The following SOX5 variants were observed in gnomAD, a reference collection of about 807,000 sequenced individuals.
The protein encoded by SOX5 is SRY-box transcription factor 5, also known as transcription factor SOX-5.
A neutral mutation model predicts 92.0 loss-of-function variants in SOX5; 9 were observed. The ratio of observed to expected loss-of-function variants is 0.10; its 90% CI spans 0.06 to 0.17. SOX5 has a LOEUF of 0.17. SOX5 is among the 10% of genes least tolerant of loss of function. The pLI is 1.00. For synonymous variants in SOX5, 344 were observed against 336.3 expected, an observed-to-expected ratio of 1.02 and a Z score of -0.25; for missense variants, 642 against 944.5, an observed-to-expected ratio of 0.68 and a Z score of 4.20.
At chr12:24,518,706 A>C (rs1292024650) in intron 1 of SOX5, among the ~76,000 whole-genome samples, 1 of 152,226 alleles carries the variant, frequency 6.6e-6, no homozygotes, top group African/African-American at 2.4e-5. Flanking sequence ...ATAGTCATTT[A>C]CATACAGTAT....
intron 1 of SOX5, among the ~76,000 whole-genome samples, chr12:24,391,162 T>C (rs1198172451): frequency 6.6e-6 from 1 of 152,204 alleles, no homozygotes; most frequent in Non-Finnish European, 1.5e-5. Flanking sequence ...AATTTGCATT[T>C]CTCTGATGAT....
At chr12:24,117,935 C>T (rs1159146675) in intron 4 of SOX5, among the ~76,000 whole-genome samples, 1 of 148,068 alleles carries the variant, frequency 6.8e-6, no homozygotes, top group Non-Finnish European at 1.5e-5. Flanking sequence ...AGGAGAATTG[C>T]TTGAACCTGG....
chr12:24,264,354 T>G (rs1395993210), intron 3 of SOX5, among the ~76,000 whole-genome samples: 1 of 152,202 alleles, frequency 6.6e-6, no homozygotes, highest in Non-Finnish European at 1.5e-5. Flanking sequence ...TTCTTGCTCT[T>G]GAAAAGTTAT....
chr12:24,137,323 C>A (rs1052263632), intron 4 of SOX5, among the ~76,000 whole-genome samples: 1 of 152,072 alleles, frequency 6.6e-6, no homozygotes, highest in Non-Finnish European at 1.5e-5. Flanking sequence ...TATCAAGCTC[C>A]CTTTGCTGAG....
Position 24,374,434 on chromosome 12 carries a change from G to T in SOX5, c.-250-5795C>A, listed in dbSNP as rs528163792. Among the ~76,000 whole-genome samples the T allele has an allele frequency of 1.3e-4, 20 of 152,202 alleles. No individual in the cohort carries two copies. In the South Asian group the frequency reaches 4.2e-3, roughly 32 times the overall value. On this transcript the variant is annotated intron_variant, in intron 1 of 4. Coordinates refer to the SOX5 transcript ENST00000446891. ...AGTTAAAGTTGGTTATTTATTCCTC[G>T]TAGTTGGTGCCCATGTGCAGGGAAA... is the stretch of plus-strand genomic sequence containing the variant.
At chr12:23,594,089 T>C (rs1951988905) in intron 9 of SOX5, among the ~76,000 whole-genome samples, 1 of 152,154 alleles carries the variant, frequency 6.6e-6, no homozygotes, top group Admixed American at 6.5e-5. Context: ...TGTCAAAATA[T>C]CATCTAAAAA....
chr12:23,887,925 G>GTGTGTGTGTC (rs1245496035), intron 2 of SOX5, among the ~76,000 whole-genome samples: 79 of 151,226 alleles, frequency 5.2e-4, no homozygotes, highest in Non-Finnish European at 9.0e-4. Context: ...ATATGTGTGT[G>GTGTGTGTGTC]TGTGTGTGTG....
intron 2 of SOX5, among the ~76,000 whole-genome samples, chr12:24,334,913 T>TAAAA (rs55668750): frequency 1.0e-4 from 15 of 147,820 alleles, no homozygotes; most frequent in Middle Eastern, 3.2e-3. Flanking sequence ...CCCAATTATG[T>TAAAA]AAAAAAAAAA....
chr12:24,327,615 G>C (rs1022985256), intron 2 of SOX5, among the ~76,000 whole-genome samples: 2 of 151,006 alleles, frequency 1.3e-5, no homozygotes, highest in East Asian at 2.0e-4. Flanking sequence ...ACAGAGTCTC[G>C]CTCTGTCCCC....
At chr12:23,966,472 G>GA (rs71445974) in intron 4 of SOX5, among the ~76,000 whole-genome samples, 71,931 of 151,806 alleles carry the variant, frequency 0.47, 17,817 homozygotes, top group African/African-American at 0.58. Flanking sequence ...ATGCAATGAA[G>GA]AAAAATATAT....
At chr12:24,431,966 C>T (rs555897538) in intron 1 of SOX5, among the ~76,000 whole-genome samples, 4 of 152,086 alleles carry the variant, frequency 2.6e-5, no homozygotes, top group Non-Finnish European at 5.9e-5. Flanking sequence ...AACAGGACTT[C>T]AGGATCTTCT....
intron 3 of SOX5, among the ~76,000 whole-genome samples, chr12:23,788,762 G>A (rs942280648): frequency 6.6e-6 from 1 of 151,926 alleles, no homozygotes; most frequent in South Asian, 2.1e-4. Context: ...ATAAACTGAT[G>A]AAATAAGTAA....
intron 1 of SOX5, among the ~76,000 whole-genome samples, chr12:24,424,859 A>G (rs1966517416): frequency 6.7e-6 from 1 of 148,756 alleles, no homozygotes; most frequent in African/African-American, 2.5e-5. Flanking sequence ...TAATACACAC[A>G]CACATACAAA....
chr12:24,145,667 T>G (rs1210657857), intron 4 of SOX5, among the ~76,000 whole-genome samples: 1 of 152,162 alleles, frequency 6.6e-6, no homozygotes, highest in African/African-American at 2.4e-5. Context: ...GGCTGATTTT[T>G]TATCTTTTTT....
rs909491783 is a variant in SOX5 at position 23,656,990 on chromosome 12, G to A, written c.931+8454C>T. 2.6e-5 allele frequency among the ~76,000 whole-genome samples: 4 copies of A among 152,024 alleles called. No homozygotes were observed. In the East Asian group the frequency reaches 7.7e-4, roughly 29 times the overall value. ...AGAAAAAAAATATGAAGGGTATTAT[G>A]AGCTGACTATAGAGACAGGTTTAAG... On this transcript the variant is annotated intron_variant, in intron 7 of 14. Transcript: ENST00000451604.
intron 4 of SOX5, among the ~76,000 whole-genome samples, chr12:24,206,375 G>A (rs1958019792): frequency 6.6e-6 from 1 of 152,214 alleles, no homozygotes; most frequent in Non-Finnish European, 1.5e-5. Context: ...CAGGAAAAGT[G>A]ATGGCAGTTT....
intron 3 of SOX5, among the ~76,000 whole-genome samples, chr12:24,236,624 A>T (rs1308472664): frequency 6.6e-6 from 1 of 152,212 alleles, no homozygotes; most frequent in East Asian, 1.9e-4. Context: ...AGACTCTGAA[A>T]TGCAGTTGTG....
intron 1 of SOX5, among the ~76,000 whole-genome samples, chr12:24,536,433 G>A (rs1961102036): frequency 6.6e-6 from 1 of 152,176 alleles, no homozygotes; most frequent in Non-Finnish European, 1.5e-5. Flanking sequence ...GACTTGTAGG[G>A]TTTTGAGGGG....
intron 3 of SOX5, among the ~76,000 whole-genome samples, chr12:24,214,443 T>G (rs897159361): frequency 6.6e-6 from 1 of 152,124 alleles, no homozygotes; most frequent in Non-Finnish European, 1.5e-5. Flanking sequence ...TATTTTATTA[T>G]GATTTTATTA....
Sources: allele counts gnomAD v4.1 joint callset (sites outside exome capture counted in the v4.1 genomes callset), GRCh38; gene constraint gnomAD v4.1.1; transcripts MANE v1.5; gene names NCBI Gene and HGNC (gene_info 2026-07-23, HGNC 2026-07-21).